Variants in MAGEB1 observed in about 807,000 individuals in gnomAD.
The protein encoded by MAGEB1 is MAGE family member B1.
For synonymous variants in MAGEB1, 99 were observed against 105.7 expected, an observed-to-expected ratio of 0.94 and a Z score of 0.39; for missense variants, 290 against 286.7, an observed-to-expected ratio of 1.01 and a Z score of -0.08.
chrX:30,249,892 G>A (rs1477299470), intron 1 of MAGEB1, among the ~76,000 whole-genome samples: 3 of 111,440 alleles, frequency 2.7e-5, no homozygotes, highest in Non-Finnish European at 5.7e-5. Context: ...AGGGTTGCCA[G>A]GCTGAGACTT....
chrX:30,248,592 C>G (rs765956764), intron 1 of MAGEB1, among the ~76,000 whole-genome samples: 2 of 111,015 alleles, frequency 1.8e-5, no homozygotes, highest in South Asian at 7.9e-4. Flanking sequence ...ATGAGGGGAC[C>G]CCCTCCAAGA....
chrX:30,245,442 TAG>T (rs1197661710), upstream of MAGEB1, among the ~76,000 whole-genome samples: 7 of 112,141 alleles, frequency 6.2e-5, no homozygotes, highest in South Asian at 2.3e-3. Context: ...TTCACAGATG[TAG>T]AGCCTGAGGC....
In MAGEB1 at chrX:30,251,478, G is replaced by C. The variant is rs1925527100; in HGVS notation, c.985G>C (p.Ala329Pro). The C allele has an allele frequency of 8.3e-7, 1 of 1,211,937 alleles. No homozygotes were observed. Among genetic ancestry groups the C allele is most frequent in the Non-Finnish European group, 1.1e-6 (1 of 895,542 alleles). The change falls in exon 2 of 2, where the codon GCC becomes CCC. Residue 329 changes from alanine (A) to proline (P), a missense_variant. By Grantham distance (27) the Ala-to-Pro change is conservative (BLOSUM62 -1). Transcript: ENST00000397548. ...TGTTAGAGCCAGGCGTCGCACTACT[G>C]CCACGACTTTTAGAGCGCGTTCTAG... is the stretch of plus-strand genomic sequence containing the variant. ...SSVRARRRTTATTFRARSRAP... is the reference protein window; with the variant it reads ...SSVRARRRTTPTTFRARSRAP...
chrX:30,246,486 C>A (rs1925308153), upstream of MAGEB1: 1 of 112,062 alleles, frequency 8.9e-6, no homozygotes, highest in African/African-American at 3.3e-5. Flanking sequence ...GTCCCCTCTG[C>A]TGTCAGCCCT....
upstream of MAGEB1, among the ~76,000 whole-genome samples, chrX:30,245,471 T>C (rs1925277482): frequency 8.9e-6 from 1 of 112,026 alleles, no homozygotes; most frequent in Non-Finnish European, 1.9e-5. Context: ...AGTTTATTAA[T>C]GTGCCCAAGT....
chrX:30,247,080 A>C (rs2147344561), upstream of MAGEB1: 1 of 110,711 alleles, frequency 9.0e-6, no homozygotes, highest in East Asian at 2.9e-4. Context: ...ACGCTAGAAC[A>C]GTTACGTCCA....
At chrX:30,245,821 C>A (rs976035059), upstream of MAGEB1, among the ~76,000 whole-genome samples, 2 of 112,193 alleles carry the variant, frequency 1.8e-5, no homozygotes, top group Non-Finnish European at 3.8e-5. Context: ...CTGGCTCCAC[C>A]CTTTTCTGTA....
Position 30,251,627 on chromosome X carries a change from C to CAT in MAGEB1, c.*97_*98dup, listed in dbSNP as rs1271798695. 1 of 701,201 alleles carries CAT rather than the reference C, an allele frequency of 1.4e-6. No individual in the cohort carries two copies. The highest frequency in any genetic ancestry group is 2.1e-6 in the Non-Finnish European group (1 of 466,066). The allele number at this position is 701,201 out of a possible 1,213,427, so 57.8% of individuals were successfully genotyped here. A position where few individuals can be genotyped will look rare whatever the true frequency, so the allele number is the denominator to read the frequency against. Reference sequence around the variant, plus strand: ...GCCAAGATATGGCTAGAGAGATCATCATATATATCTCCTTTGTGTTCCTGT... The same window carrying CAT: ...GCCAAGATATGGCTAGAGAGATCATCATATATATATCTCCTTTGTGTTCCTGT... On this transcript the variant is annotated 3_prime_UTR_variant, in exon 2 of 2. Transcript: ENST00000397548.
upstream of MAGEB1, among the ~76,000 whole-genome samples, chrX:30,245,431 T>C (rs1181259854): frequency 1.8e-5 from 2 of 111,052 alleles, no homozygotes; most frequent in Non-Finnish European, 3.8e-5. Context: ...ATCAAGCTCA[T>C]TTCACAGATG....
At chrX:30,247,604 C>A (rs774314275) in intron 1 of MAGEB1, 2 of 112,070 alleles carry the variant, frequency 1.8e-5, no homozygotes, top group Non-Finnish European at 3.8e-5. Context: ...ACTGTCTCTT[C>A]AGCGACTCAG....
intron 1 of MAGEB1, among the ~76,000 whole-genome samples, chrX:30,247,912 CCAGCCTGGGTGACAGAGCGAGACT>C (rs1253546496): frequency 4.4e-5 from 4 of 91,187 alleles, no homozygotes; most frequent in Non-Finnish European, 6.3e-5. Flanking sequence ...CCACTGCACT[CCAGCCTGGGTGACAGAGCGAGACT>C]CAGTCTCAAG....
chrX:30,248,675 C>T (rs1925409218), intron 1 of MAGEB1, among the ~76,000 whole-genome samples: 1 of 111,305 alleles, frequency 9.0e-6, no homozygotes, highest in Admixed American at 9.5e-5. Context: ...TGATGAGTCT[C>T]ACTCACTTCT....
At chrX:30,245,944 G>A (rs774960578), upstream of MAGEB1, among the ~76,000 whole-genome samples, 29 of 111,982 alleles carry the variant, frequency 2.6e-4, no homozygotes, top group Non-Finnish European at 4.3e-4. Context: ...TTCCGTTTCA[G>A]TTTCCCAACA....
chrX:30,249,708 A>G (rs1434763055), intron 1 of MAGEB1, among the ~76,000 whole-genome samples: 1 of 111,445 alleles, frequency 9.0e-6, no homozygotes, highest in Non-Finnish European at 1.9e-5. Flanking sequence ...AGGCCTTACT[A>G]TGAGTAAATG....
chrX:30,251,018 C>T lies in MAGEB1; in HGVS notation c.525C>T (p.Tyr175=), dbSNP rs1203336922. The T allele has an allele frequency of 8.3e-6, 10 of 1,209,982 alleles. No individual in the cohort carries two copies. The highest frequency in any genetic ancestry group is 1.1e-5 in the Non-Finnish European group (10 of 895,149). The change falls in exon 2 of 2, where the codon TAC becomes TAT. Residue 175 remains tyrosine, a synonymous_variant. Transcript: ENST00000397548. ...LKEDNPSGHT[Y]TLVSKLNLTN... is the part of the protein sequence containing the mutation. ...AAGACAACCCTAGTGGCCACACCTA[C>T]ACCCTCGTCAGTAAGCTAAACCTCA...
intron 1 of MAGEB1, among the ~76,000 whole-genome samples, chrX:30,250,116 G>A (rs1229306599): frequency 8.9e-6 from 1 of 111,836 alleles, no homozygotes; most frequent in Non-Finnish European, 1.9e-5. Context: ...GGTTGAAGCA[G>A]TGCCTCATTT....
Position 30,251,018 on chromosome X carries a change from C to A in MAGEB1, c.525C>A (p.Tyr175Ter). The A allele has an allele frequency of 8.3e-7, 1 of 1,211,557 alleles. No homozygotes were observed. Among genetic ancestry groups the A allele is most frequent in the Non-Finnish European group, 1.1e-6 (1 of 895,393 alleles). Residue 175 changes from tyrosine to a stop codon, truncating the protein, a stop_gained, in exon 2 of 2, where the codon TAC becomes TAA. Coordinates refer to ENST00000397548, the MANE Select transcript of MAGEB1 (RefSeq NM_177404.3). LOFTEE classifies it low-confidence loss of function (END_TRUNC). The stretch of plus-strand genomic sequence containing the variant: ...AAGACAACCCTAGTGGCCACACCTA[C>A]ACCCTCGTCAGTAAGCTAAACCTCA... ...LKEDNPSGHT[Y>*]TLVSKLNLTN...
At position 30,251,227 on chromosome X, in the gene MAGEB1, T is replaced by A; in HGVS notation, c.734T>A (p.Ile245Asn). 8.3e-7 allele frequency: 1 copy of A among 1,211,983 alleles called. No individual in the cohort carries two copies. ...HLIYGEPRKF[I>N]TQDLVQEKYL... ...ATCTATGGGGAACCCCGTAAGTTCA[T>A]CACCCAAGATCTGGTGCAGGAAAAA... The change falls in exon 2 of 2, where the codon ATC (isoleucine) becomes AAC (asparagine). Residue 245 changes from isoleucine to asparagine, a missense_variant. Physicochemically the swap from Ile to Asn is moderately radical, Grantham distance 149 (BLOSUM62 -3). Coordinates refer to ENST00000397548, the MANE Select transcript of MAGEB1 (RefSeq NM_177404.3).
upstream of MAGEB1, chrX:30,243,796 G>A (rs1471127739): frequency 4.0e-5 from 5 of 124,388 alleles, no homozygotes; most frequent in Admixed American, 4.7e-4. Context: ...TCCTTGTGAA[G>A]TCTGAGGTAT....
Sources: gnomAD v4.1 joint callset for allele counts (sites outside exome capture counted in the v4.1 genomes callset) on GRCh38, gnomAD v4.1.1 for gene constraint, MANE v1.5 for transcripts, NCBI Gene and HGNC (gene_info 2026-07-23, HGNC 2026-07-21) for gene names.